CD96: variants seen among roughly 807,000 people sequenced by gnomAD.
CD96 encodes T-cell surface protein tactile.
CD96 carries 70 observed loss-of-function variants against 71.3 expected under a neutral mutation model. That is an observed-to-expected ratio of 0.98 (90% CI 0.81 to 1.20). The LOEUF (loss-of-function observed/expected upper bound fraction) is 1.20, where lower values mean the gene tolerates loss of function less well. Ranked by LOEUF, CD96 falls within the 50% of genes most tolerant of loss-of-function variation. The pLI is 0.00. For synonymous variants in CD96, 248 were observed against 233.0 expected (o/e 1.06, Z -0.59); for missense variants, 742 against 677.5 (o/e 1.10, Z -1.06).
At chr3:111,542,386 C>A in intron 1 of CD96, 77 bp downstream of exon 1, 1 of 549,374 alleles carries the variant, frequency 1.8e-6, no homozygotes, top group Non-Finnish European at 3.3e-6. Context: ...TTTAAAATGC[C>A]TTGTGACTGC....
intron 8 of CD96, among the ~76,000 whole-genome samples, chr3:111,609,829 A>G (rs1169935531): frequency 6.6e-6 from 1 of 152,178 alleles, no homozygotes; most frequent in African/African-American, 2.4e-5. Flanking sequence ...TGTGTTAGAT[A>G]AGTGGTTGTC....
At chr3:111,561,664 TTGTC>T (rs1212164463) in intron 2 of CD96, among the ~76,000 whole-genome samples, 1,675 of 135,448 alleles carry the variant, frequency 0.012, 21 homozygotes, top group African/African-American at 0.042. Flanking sequence ...GTCTTTTTGT[TTGTC>T]TGTGCCCTGC....
At chr3:111,596,056 G>A (rs1421324244) in intron 5 of CD96, among the ~76,000 whole-genome samples, 3 of 152,012 alleles carry the variant, frequency 2.0e-5, no homozygotes, top group South Asian at 4.2e-4. Flanking sequence ...CAGCTACTTG[G>A]GAGGCTGAAG....
chr3:111,561,500 T>A (rs999088876), intron 2 of CD96, among the ~76,000 whole-genome samples: 1 of 147,134 alleles, frequency 6.8e-6, no homozygotes, highest in African/African-American at 2.4e-5. Flanking sequence ...TGCTGCGGGG[T>A]GCCTCCCAGT....
At chr3:111,558,602 G>C (rs1414485781) in intron 2 of CD96, among the ~76,000 whole-genome samples, 1 of 125,688 alleles carries the variant, frequency 8.0e-6, no homozygotes, top group African/African-American at 3.2e-5. Flanking sequence ...TGCTGGATTC[G>C]GTTTGCCAGT....
intron 5 of CD96, chr3:111,592,925 G>A (rs1254891193): frequency 1.3e-5 from 2 of 152,172 alleles, no homozygotes; most frequent in Admixed American, 6.6e-5. Context: ...TTTAATATAA[G>A]CAAGAAAATA....
intron 3 of CD96, among the ~76,000 whole-genome samples, chr3:111,578,539 C>A (rs1284544252): frequency 6.6e-6 from 1 of 152,194 alleles, no homozygotes; most frequent in Non-Finnish European, 1.5e-5. Context: ...GAGAATGCCA[C>A]TTTACCTGAT....
intron 2 of CD96, among the ~76,000 whole-genome samples, chr3:111,556,527 C>T (rs1231973876): frequency 6.9e-5 from 9 of 130,684 alleles, no homozygotes; most frequent in African/African-American, 2.4e-4. Context: ...CTACAAAGGA[C>T]GTGAACTCAT....
chr3:111,649,714 C>A lies in CD96; in HGVS notation c.1618C>A (p.Pro540Thr). ...YQKEIMERPP[P>T]FKPPPPPIKY... ...TGTTCCTAGAATGGAAAGACCTCCA[C>A]CTTTCAAGCCACCACCACCTCCCAT... is the stretch of plus-strand genomic sequence containing the variant. The change falls in exon 14 of 14, where the codon CCT becomes ACT. Residue 540 changes from proline (P) to threonine (T), a missense_variant. Transcript: ENST00000352690. The A allele has an allele frequency of 1.2e-6, 2 of 1,613,004 alleles. No homozygotes were observed. The highest frequency in any genetic ancestry group is 1.1e-5 in the South Asian group (1 of 91,062).
chr3:111,606,398 C>T (rs1937625318), intron 7 of CD96, among the ~76,000 whole-genome samples: 1 of 152,176 alleles, frequency 6.6e-6, no homozygotes, highest in Non-Finnish European at 1.5e-5. Context: ...GGAGCCTTCT[C>T]AGACCTCCCA....
At chr3:111,583,128 A>G (rs1936545273) in intron 4 of CD96, among the ~76,000 whole-genome samples, 1 of 152,264 alleles carries the variant, frequency 6.6e-6, no homozygotes, top group African/African-American at 2.4e-5. Context: ...ACCATTCTAA[A>G]TGGGAGAAAT....
intron 5 of CD96, among the ~76,000 whole-genome samples, chr3:111,586,233 T>G (rs1936707186): frequency 6.6e-6 from 1 of 152,204 alleles, no homozygotes; most frequent in Non-Finnish European, 1.5e-5. Context: ...TTAAAAACCC[T>G]AAGTAAAAAA....
Position 111,660,192 on chromosome 3 carries a change from T to C in CD96, c.*53-5335T>C, listed in dbSNP as rs2107815520. 1.3e-5 allele frequency among the ~76,000 whole-genome samples: 2 copies of C among 152,278 alleles called. 1 individual carries two copies. Among genetic ancestry groups the C allele is most frequent in the Middle Eastern group, 6.8e-3 (2 of 294 alleles). On this transcript the variant is annotated intron_variant and NMD_transcript_variant, in intron 14 of 14. Coordinates refer to the CD96 transcript ENST00000494798. ...AATTTCAGGTCACAGAATCAGTGTA[T>C]AAATCAGTAGCATTTCTATGCACCA...
chr3:111,653,228 G>A (rs1355841781), downstream of CD96, among the ~76,000 whole-genome samples: 1 of 152,128 alleles, frequency 6.6e-6, no homozygotes, highest in African/African-American at 2.4e-5. Flanking sequence ...AAAGGCTCAT[G>A]GAGCAGTACC....
intron 5 of CD96, among the ~76,000 whole-genome samples, chr3:111,585,659 T>G (rs536525165): frequency 6.6e-6 from 1 of 152,278 alleles, no homozygotes; most frequent in South Asian, 2.1e-4. Context: ...TTTATAAAAA[T>G]TCAGGTGGAT....
At chr3:111,581,865 G>A (rs1416989718) in intron 4 of CD96, among the ~76,000 whole-genome samples, 5 of 152,142 alleles carry the variant, frequency 3.3e-5, no homozygotes, top group South Asian at 2.1e-4. Flanking sequence ...TAAGGATTGC[G>A]GTTAATTTAT....
chr3:111,624,506 C>G, intron 10 of CD96, 102 bp downstream of exon 10: 1 of 765,492 alleles, frequency 1.3e-6, no homozygotes, highest in Non-Finnish European at 2.4e-6. Context: ...ATAATATTTG[C>G]AAATGTTCAC....
chr3:111,575,766 A>G lies in CD96; in HGVS notation c.544-3261A>G, dbSNP rs561538509. 7.9e-4 allele frequency among the ~76,000 whole-genome samples: 120 copies of G among 152,330 alleles called. 1 individual carries two copies. Among genetic ancestry groups the G allele is most frequent in the African/African-American group, 2.7e-3 (114 of 41,568 alleles). On this transcript the variant is annotated intron_variant, in intron 3 of 13. Transcript: ENST00000352690. ...GCTATGTTCTCCAGAGAGGACAAAA[A>G]TCTTTGTCCTCACATGGCAGAAGAG...
intron 8 of CD96, among the ~76,000 whole-genome samples, chr3:111,613,210 T>A (rs896187975): frequency 5.9e-5 from 9 of 152,224 alleles, no homozygotes; most frequent in African/African-American, 2.2e-4. Context: ...GGGTAAAAGC[T>A]ATCAGTTGAC....
Sources: allele counts gnomAD v4.1 joint callset (sites outside exome capture counted in the v4.1 genomes callset), GRCh38; gene constraint gnomAD v4.1.1; transcripts MANE v1.5; gene names NCBI Gene and HGNC (gene_info 2026-07-23, HGNC 2026-07-21).